The following CADM1 variants were observed in gnomAD, a reference collection of about 807,000 sequenced individuals.
CADM1 encodes TSLC-1.
CADM1 carries 15 observed loss-of-function variants against 53.1 expected under a neutral mutation model. That is an observed-to-expected ratio of 0.28 (90% CI 0.19 to 0.44). The LOEUF is 0.44. Among genes scored for constraint, CADM1 ranks in the 20% least tolerant of loss-of-function variants. The probability of loss-of-function intolerance (pLI) is 1.00; values close to 1 mark genes in which losing one functional copy is unlikely to be tolerated. For missense variants in CADM1, 434 were observed against 611.3 expected (o/e 0.71, Z 3.06); for synonymous variants, 281 against 243.0 (o/e 1.16, Z -1.45).
intron 5 of CADM1, among the ~76,000 whole-genome samples, chr11:115,222,407 T>A (rs551970028): frequency 5.3e-4 from 81 of 152,194 alleles, no homozygotes; most frequent in African/African-American, 1.9e-3. Context: ...AGGAGGGCAA[T>A]GTCTAGCAAT....
intron 5 of CADM1, among the ~76,000 whole-genome samples, chr11:115,218,720 A>T (rs45593334): frequency 1.3e-5 from 2 of 152,052 alleles, no homozygotes; most frequent in African/African-American, 2.4e-5. Flanking sequence ...CTGATCCATA[A>T]GTGCATTTCC....
chr11:115,450,851 TA>T (rs1565434229), intron 1 of CADM1, among the ~76,000 whole-genome samples: 1 of 152,168 alleles, frequency 6.6e-6, no homozygotes, highest in Non-Finnish European at 1.5e-5. Flanking sequence ...AGAAATTCTA[TA>T]AAAGAACTTA....
intron 1 of CADM1, among the ~76,000 whole-genome samples, chr11:115,339,546 G>C (rs11215501): frequency 2.0e-5 from 3 of 152,046 alleles, no homozygotes; most frequent in Non-Finnish European, 4.4e-5. Context: ...ACTTCATGGA[G>C]CTTTTCTCAT....
intron 1 of CADM1, among the ~76,000 whole-genome samples, chr11:115,302,786 T>C (rs1192366494): frequency 2.0e-5 from 3 of 151,938 alleles, no homozygotes; most frequent in Admixed American, 6.6e-5. Flanking sequence ...GATGGAGTGA[T>C]AGACAAAGGG....
intron 1 of CADM1, among the ~76,000 whole-genome samples, chr11:115,450,459 T>C (rs1387323798): frequency 6.6e-6 from 1 of 152,222 alleles, no homozygotes; most frequent in Non-Finnish European, 1.5e-5. Context: ...TCCTTGATGC[T>C]GATGTGATCT....
intron 1 of CADM1, among the ~76,000 whole-genome samples, chr11:115,453,187 G>T (rs1342749231): frequency 6.6e-6 from 1 of 151,994 alleles, no homozygotes; most frequent in African/African-American, 2.4e-5. Flanking sequence ...GACCAACCTA[G>T]GCAACATGAT....
intron 1 of CADM1, among the ~76,000 whole-genome samples, chr11:115,282,634 A>G (rs1212435750): frequency 2.0e-5 from 3 of 152,158 alleles, no homozygotes; most frequent in South Asian, 4.1e-4. Flanking sequence ...GGGAGGACCA[A>G]TGGTTCTCCT....
At chr11:115,333,162 ATT>A (rs150152284) in intron 1 of CADM1, among the ~76,000 whole-genome samples, 1,621 of 152,080 alleles carry the variant, frequency 0.011, 23 homozygotes, top group African/African-American at 0.037. Context: ...TTCTTACCTG[ATT>A]TTCCCAATGG....
intron 11 of CADM1, among the ~76,000 whole-genome samples, chr11:115,177,856 C>G (rs2134579914): frequency 6.6e-6 from 1 of 152,246 alleles, no homozygotes; most frequent in East Asian, 1.9e-4. Context: ...GGGACCTTCC[C>G]CCAAACCCAA....
intron 1 of CADM1, among the ~76,000 whole-genome samples, chr11:115,277,936 T>TTCATCC (rs1299223998): frequency 1.3e-5 from 2 of 152,218 alleles, no homozygotes; most frequent in Admixed American, 1.3e-4. Context: ...TAATACAAGA[T>TTCATCC]TCATCCTCAT....
intron 1 of CADM1, among the ~76,000 whole-genome samples, chr11:115,468,913 G>A (rs1295283414): frequency 6.6e-6 from 1 of 152,136 alleles, no homozygotes; most frequent in East Asian, 1.9e-4. Context: ...ACATGCAGCA[G>A]GCAAGAGGGC....
chr11:115,300,007 T>C (rs1944177683), intron 1 of CADM1, among the ~76,000 whole-genome samples: 1 of 152,122 alleles, frequency 6.6e-6, no homozygotes, highest in South Asian at 2.1e-4. Flanking sequence ...GCATCCAAAA[T>C]TCCTTTCTGA....
chr11:115,445,670 C>T (rs1316686216), intron 1 of CADM1: 2 of 365,788 alleles, frequency 5.5e-6, no homozygotes, highest in African/African-American at 2.2e-5. Flanking sequence ...ATGGCAACAC[C>T]CTGTCTCAAC....
intron 1 of CADM1, among the ~76,000 whole-genome samples, chr11:115,381,346 G>A (rs1243746886): frequency 2.7e-5 from 4 of 150,892 alleles, no homozygotes; most frequent in African/African-American, 9.7e-5. Flanking sequence ...TGTGCAAAAT[G>A]CAATTCCAGA....
intron 1 of CADM1, among the ~76,000 whole-genome samples, chr11:115,302,937 T>C (rs1313008750): frequency 6.6e-6 from 1 of 152,032 alleles, no homozygotes; most frequent in Admixed American, 6.6e-5. Flanking sequence ...CAGTTGCAAT[T>C]ACAAGATGCC....
At position 115,257,126 on chromosome 11, in the gene CADM1, C is replaced by T. The variant is rs17118155; in HGVS notation, c.125-16706G>A. Among the ~76,000 whole-genome samples, 562 of 152,280 alleles carry T rather than the reference C, an allele frequency of 3.7e-3. 1 individual carries two copies. The highest frequency in any genetic ancestry group is 0.013 in the African/African-American group (540 of 41,550). ...CATGTATAAGATGCCAAAATCAACA[C>T]TTCCAACTTTATACGGTAGTTTTTC... is the stretch of plus-strand genomic sequence containing the variant. On this transcript the variant is annotated intron_variant, in intron 1 of 11. Coordinates refer to ENST00000331581, the MANE Select transcript of CADM1 (RefSeq NM_001301043.2).
chr11:115,454,280 G>T (rs562096730), intron 1 of CADM1, among the ~76,000 whole-genome samples: 1 of 152,212 alleles, frequency 6.6e-6, no homozygotes, highest in East Asian at 1.9e-4. Flanking sequence ...AAGGTCTTTG[G>T]CACTTGGCTA....
chr11:115,360,903 G>C (rs1041748490), intron 1 of CADM1, among the ~76,000 whole-genome samples: 1 of 152,118 alleles, frequency 6.6e-6, no homozygotes. Context: ...CTGAACACTA[G>C]GATAAAACTG....
At chr11:115,240,907 C>G (rs1942204456) in intron 1 of CADM1, 1 of 191,762 alleles carries the variant, frequency 5.2e-6, no homozygotes, top group African/African-American at 2.4e-5. Flanking sequence ...TTGATGTTGA[C>G]AGTCCCAATG....
Sources: allele counts gnomAD v4.1 joint callset (sites outside exome capture counted in the v4.1 genomes callset), GRCh38; gene constraint gnomAD v4.1.1; transcripts MANE v1.5; gene names NCBI Gene and HGNC (gene_info 2026-07-23, HGNC 2026-07-21).